Variants in LSAMP observed in about 807,000 individuals in gnomAD.
LSAMP encodes limbic system associated membrane protein, also known as limbic system-associated membrane protein.
A neutral mutation model predicts 38.6 loss-of-function variants in LSAMP; 7 were observed. The ratio of observed to expected loss-of-function variants is 0.18; its 90% CI spans 0.10 to 0.34. LSAMP has a LOEUF of 0.34. LSAMP is among the 10% of genes least tolerant of loss of function. LSAMP has a pLI of 1.00. For missense variants in LSAMP, 313 were observed against 420.0 expected (o/e 0.75, Z 2.23); for synonymous variants, 154 against 166.8 (o/e 0.92, Z 0.59).
chr3:116,251,827 G>A (rs1444871730), intron 1 of LSAMP, among the ~76,000 whole-genome samples: 2 of 152,134 alleles, frequency 1.3e-5, no homozygotes, highest in Non-Finnish European at 2.9e-5. Context: ...CTTAAATCAT[G>A]TTGTACCTTT....
chr3:116,164,619 TATAATCCAA>T (rs1709989680), intron 1 of LSAMP, among the ~76,000 whole-genome samples: 1 of 131,914 alleles, frequency 7.6e-6, no homozygotes, highest in African/African-American at 2.9e-5. Flanking sequence ...TATATATATA[TATAATCCAA>T]ATATATATAT....
intron 1 of LSAMP, among the ~76,000 whole-genome samples, chr3:116,285,750 C>T (rs2047187159): frequency 6.6e-6 from 1 of 152,168 alleles, no homozygotes; most frequent in Non-Finnish European, 1.5e-5. Context: ...CATTAAATGT[C>T]AATGGAAAAT....
At chr3:116,136,029 T>C (rs924217692) in intron 1 of LSAMP, among the ~76,000 whole-genome samples, 1 of 152,128 alleles carries the variant, frequency 6.6e-6, no homozygotes, top group African/African-American at 2.4e-5. Flanking sequence ...GCTTAATGAG[T>C]TATGTTTTTG....
intron 1 of LSAMP, among the ~76,000 whole-genome samples, chr3:116,282,751 A>T (rs987532631): frequency 2.7e-5 from 4 of 147,846 alleles, no homozygotes; most frequent in Non-Finnish European, 4.4e-5. Flanking sequence ...AATCCCAGTG[A>T]TACTCCCCCC....
Position 116,162,768 on chromosome 3 carries a change from TACACAC to T in LSAMP, c.156-76218_156-76213del, listed in dbSNP as rs71141856. Among the ~76,000 whole-genome samples, 346 of 147,432 alleles carry T rather than the reference TACACAC, an allele frequency of 2.3e-3. 2 individuals carry two copies. Among genetic ancestry groups the T allele is most frequent in the African/African-American group, 7.4e-3 (296 of 39,756 alleles). ...TATACATATCGTATACACACACTTA[TACACAC>T]ACACACACACACACACACACACACT... is the stretch of plus-strand genomic sequence containing the variant. On this transcript the variant is annotated intron_variant, in intron 1 of 6. Coordinates refer to ENST00000490035, the MANE Select transcript of LSAMP (RefSeq NM_002338.5).
rs145245618 is a variant in LSAMP, at chr3:116,303,979, A to G, written c.155+140898T>C. 4.4e-3 allele frequency among the ~76,000 whole-genome samples: 667 copies of G among 152,270 alleles called. 3 individuals carry two copies. Among genetic ancestry groups the G allele is most frequent in the Non-Finnish European group, 7.2e-3 (490 of 68,004 alleles). The stretch of plus-strand genomic sequence containing the variant: ...AGTGTGATAAGGGGTCAGAGTAGAT[A>G]TAAAACCTCCCAAGAATCATCCTGA... On this transcript the variant is annotated intron_variant, in intron 1 of 6. Coordinates refer to ENST00000490035, the MANE Select transcript of LSAMP (RefSeq NM_002338.5).
rs938781100 is a variant in LSAMP, at chr3:116,076,095, T to C, written c.388+10229A>G. Among the ~76,000 whole-genome samples, 4 of 152,220 alleles carry C rather than the reference T, an allele frequency of 2.6e-5. No individual in the cohort carries two copies. In the South Asian group the frequency reaches 8.3e-4, roughly 32 times the overall value. On this transcript the variant is annotated intron_variant, in intron 2 of 6. Coordinates refer to ENST00000490035, the MANE Select transcript of LSAMP (RefSeq NM_002338.5). ...TCATTCAAAACCATTTGTTGAATAA[T>C]GACACTTTCTCCGTTATGTTAAACC...
intron 1 of LSAMP, among the ~76,000 whole-genome samples, chr3:116,242,944 A>T (rs1328879101): frequency 6.6e-6 from 1 of 152,218 alleles, no homozygotes; most frequent in Non-Finnish European, 1.5e-5. Flanking sequence ...AGGTCTCATC[A>T]GGAAAATGTA....
intron 3 of LSAMP, among the ~76,000 whole-genome samples, chr3:115,981,270 C>T (rs1219430156): frequency 6.6e-6 from 1 of 152,086 alleles, no homozygotes; most frequent in Non-Finnish European, 1.5e-5. Flanking sequence ...AAACTAATAC[C>T]CACTACACCT....
chr3:116,196,066 C>T (rs1355496025), intron 1 of LSAMP, among the ~76,000 whole-genome samples: 1 of 152,100 alleles, frequency 6.6e-6, no homozygotes, highest in Non-Finnish European at 1.5e-5. Context: ...ACTTTTTTTG[C>T]ATAGAGACTG....
chr3:116,273,568 T>C (rs74918516), intron 1 of LSAMP, among the ~76,000 whole-genome samples: 6,530 of 150,968 alleles, frequency 0.043, 204 homozygotes, highest in Middle Eastern at 0.068. Context: ...TAATCTACTT[T>C]AGAATATGGA....
chr3:116,024,083 A>C (rs922982736), intron 2 of LSAMP, among the ~76,000 whole-genome samples: 1 of 152,074 alleles, frequency 6.6e-6, no homozygotes, highest in Non-Finnish European at 1.5e-5. Context: ...AATGGGTGAA[A>C]TGCCGTGCTG....
At position 116,044,828 on chromosome 3, in the gene LSAMP, A is replaced by G. The variant is rs867797331; in HGVS notation, c.389-25188T>C. Among the ~76,000 whole-genome samples, 12 of 152,306 alleles carry G rather than the reference A, an allele frequency of 7.9e-5. No homozygotes were observed. The Middle Eastern group carries it at 0.01, about 130-fold the overall frequency. Reference sequence around the variant, plus strand: ...AAGGAGAGGTGAGCATGGGGAGCTCAGGCTGCATGGAGTGGCTTCCATTTC... The same window carrying G: ...AAGGAGAGGTGAGCATGGGGAGCTCGGGCTGCATGGAGTGGCTTCCATTTC... On this transcript the variant is annotated intron_variant, in intron 2 of 6. Transcript: ENST00000490035.
chr3:116,001,338 A>T (rs1446460560), intron 3 of LSAMP, among the ~76,000 whole-genome samples: 3 of 152,222 alleles, frequency 2.0e-5, no homozygotes, highest in East Asian at 3.9e-4. Context: ...CCCATTATAC[A>T]CCATTATGCC....
At chr3:116,427,757 T>C (rs2049223510) in intron 1 of LSAMP, among the ~76,000 whole-genome samples, 1 of 152,154 alleles carries the variant, frequency 6.6e-6, no homozygotes, top group African/African-American at 2.4e-5. Context: ...AACATTTATT[T>C]AATCCTCATA....
At chr3:116,334,276 C>G (rs2047890905) in intron 1 of LSAMP, among the ~76,000 whole-genome samples, 1 of 151,804 alleles carries the variant, frequency 6.6e-6, no homozygotes, top group Non-Finnish European at 1.5e-5. Context: ...AAATAAAAAC[C>G]CTGAAACTTA....
intron 1 of LSAMP, among the ~76,000 whole-genome samples, chr3:116,298,694 C>CTTTA (rs1278535235): frequency 7.9e-5 from 12 of 152,156 alleles, no homozygotes; most frequent in African/African-American, 2.9e-4. Context: ...CACAGTTTCA[C>CTTTA]TTTATTTTCT....
At chr3:116,008,298 A>G (rs898565636) in intron 3 of LSAMP, among the ~76,000 whole-genome samples, 1 of 152,230 alleles carries the variant, frequency 6.6e-6, no homozygotes, top group Admixed American at 6.5e-5. Flanking sequence ...ATATAAAAGT[A>G]AATTATGGAC....
At chr3:116,330,789 T>A (rs1179769383) in intron 1 of LSAMP, among the ~76,000 whole-genome samples, 4 of 151,920 alleles carry the variant, frequency 2.6e-5, no homozygotes, top group Admixed American at 1.3e-4. Flanking sequence ...AACATCAAAC[T>A]AAGTATGGGA....
Sources: gnomAD v4.1 joint callset for allele counts (sites outside exome capture counted in the v4.1 genomes callset) on GRCh38, gnomAD v4.1.1 for gene constraint, MANE v1.5 for transcripts, NCBI Gene and HGNC (gene_info 2026-07-23, HGNC 2026-07-21) for gene names.